The following PHLDB3 variants were observed in gnomAD, a reference collection of about 807,000 sequenced individuals.
The protein encoded by PHLDB3 is pleckstrin homology-like domain family B member 3.
Under a neutral mutation model 85.7 loss-of-function variants are expected in PHLDB3, and 86 were observed. The ratio of observed to expected loss-of-function variants is 1.00; its 90% confidence interval spans 0.84 to 1.20. PHLDB3 has a LOEUF of 1.20. Ranked by LOEUF, PHLDB3 falls within the 50% of genes most tolerant of loss-of-function variation. The pLI, the probability that PHLDB3 is intolerant of heterozygous loss-of-function variation, is 0.00. For missense variants in PHLDB3, 995 were observed against 873.0 expected (o/e 1.14, Z -1.76); for synonymous variants, 376 against 349.8 (o/e 1.07, Z -0.83).
intron 10 of PHLDB3, 27 bp downstream of exon 10, chr19:43,486,996 AG>A: frequency 4.0e-6 from 6 of 1,513,776 alleles, no homozygotes; most frequent in South Asian, 2.7e-5. Flanking sequence ...TGATGTGGGA[AG>A]GAAGTGGGGA....
At chr19:43,478,167 G>A in intron 14 of PHLDB3, 35 bp from the exon 15 acceptor site, 3 of 1,536,786 alleles carry the variant, frequency 2.0e-6, no homozygotes, top group Non-Finnish European at 2.7e-6. Context: ...GAGAGCCAGT[G>A]AGAAAGGTGT....
At chr19:43,480,607 AAGAG>A (rs979537364) in intron 13 of PHLDB3, among the ~76,000 whole-genome samples, 7 of 152,230 alleles carry the variant, frequency 4.6e-5, no homozygotes, top group South Asian at 2.1e-4. Flanking sequence ...ATAAAAAAGA[AAGAG>A]AGAGCTTGTT....
chr19:43,494,586 T>G (rs1034283025), intron 9 of PHLDB3, 116 bp downstream of exon 9: 3 of 794,916 alleles, frequency 3.8e-6, no homozygotes, highest in Non-Finnish European at 6.0e-6. Context: ...ACCGGCCCCA[T>G]ACAGAAAATC....
In PHLDB3 at chr19:43,475,510, G is replaced by T. The variant is rs749186582; in HGVS notation, c.1823C>A (p.Thr608Asn). ...CACCATGTAGAAAAGGCGTTCGTAG[G>T]TTTTGACGCAGAAGGTCAGGCGGGG... ...PNPRLTFCVK[T>N]YERLFYMVAP... The change falls in exon 16 of 16, where the codon ACC becomes AAC. Residue 608 changes from threonine (T) to asparagine (N), a missense_variant. Transcript: ENST00000292140. 6.2e-7 allele frequency: 1 copy of T among 1,613,998 alleles called. No individual in the cohort carries two copies. The highest frequency in any genetic ancestry group is 1.3e-5 in the African/African-American group (1 of 75,064).
intron 9 of PHLDB3, 59 bp downstream of exon 9, chr19:43,494,643 C>A: frequency 7.3e-7 from 1 of 1,366,872 alleles, no homozygotes; most frequent in Non-Finnish European, 1.0e-6. Flanking sequence ...TGCTGTTAGC[C>A]CCTCCCTCCT....
chr19:43,482,479 TAA>T (rs1200960002), intron 13 of PHLDB3, among the ~76,000 whole-genome samples: 1 of 152,134 alleles, frequency 6.6e-6, no homozygotes, highest in Non-Finnish European at 1.5e-5. Flanking sequence ...GGGGACTGTT[TAA>T]TAAATGATGA....
chr19:43,482,077 C>T (rs184011332), intron 13 of PHLDB3, among the ~76,000 whole-genome samples: 15 of 152,066 alleles, frequency 9.9e-5, no homozygotes, highest in Admixed American at 5.9e-4. Flanking sequence ...GTGATTACCT[C>T]GTTTCTTCTC....
Position 43,504,033 on chromosome 19 carries a change from G to A in PHLDB3, c.86C>T (p.Pro29Leu), listed in dbSNP as rs779336717. 39 of 1,613,764 alleles carry A rather than the reference G, an allele frequency of 2.4e-5. No homozygotes were observed. The highest frequency in any genetic ancestry group is 3.3e-5 in the Non-Finnish European group (39 of 1,179,798). ...TGCCTCCTGTTCCCGGGACTCCTCG[G>A]GATGGCCCTGGGGCTGGACCTCCAC... Reference protein sequence around the residue: ...CDVEVQPQGHPEESREQEASE... With the variant: ...CDVEVQPQGHLEESREQEASE... The change falls in exon 2 of 16, where the codon CCC becomes CTC. Residue 29 changes from proline (P) to leucine (L), a missense_variant. Transcript: ENST00000292140.
Position 43,503,880 on chromosome 19 carries a change from C to G in PHLDB3, c.213+26G>C. 4 of 1,613,018 alleles carry G rather than the reference C, an allele frequency of 2.5e-6. No individual in the cohort carries two copies. In the Middle Eastern group the frequency reaches 6.7e-4, roughly 269 times the overall value. ...TGGGTCCCCGTCGGTCCAAGCCCCCCGCGCTGTCGCCCTCGGGCCCCTCAC... is the reference window on the plus strand; with the variant it reads ...TGGGTCCCCGTCGGTCCAAGCCCCCGGCGCTGTCGCCCTCGGGCCCCTCAC... On this transcript the variant is annotated intron_variant, in intron 2 of 15. Transcript: ENST00000292140.
intron 4 of PHLDB3, among the ~76,000 whole-genome samples, chr19:43,500,179 C>T (rs1470246368): frequency 1.3e-5 from 2 of 151,978 alleles, no homozygotes; most frequent in Admixed American, 6.6e-5. Flanking sequence ...GCAGAGGTTA[C>T]GGTGAGCCAA....
At position 43,479,601 on chromosome 19, in the gene PHLDB3, G is replaced by T. The variant is rs767454599; in HGVS notation, c.1486-8C>A. 3.3e-5 allele frequency: 50 copies of T among 1,503,506 alleles called. No individual in the cohort carries two copies. The Admixed American group carries it at 4.9e-4, about 15-fold the overall frequency. The allele number at this position is 1,503,506 out of a possible 1,614,324, so 93.1% of individuals were successfully genotyped here. On this transcript the variant is annotated splice_region_variant and splice_polypyrimidine_tract_variant and intron_variant, in intron 13 of 15. Transcript: ENST00000292140. The stretch of plus-strand genomic sequence containing the variant: ...GGGTGGGGTGGGTGGGGCCTGGGGA[G>T]CAAAGAGACGGGGCAGCTGATGTAA...
intron 5 of PHLDB3, 36 bp downstream of exon 5, chr19:43,497,712 A>G (rs1971494907): frequency 1.3e-6 from 2 of 1,535,252 alleles, no homozygotes; most frequent in Admixed American, 2.0e-5. Flanking sequence ...ACTCTGTCTC[A>G]AAAAAAACAA....
In PHLDB3 at chr19:43,478,120, G is replaced by T. The variant is rs371843053; in HGVS notation, c.1715C>A (p.Thr572Asn). Residue 572 changes from threonine (T) to asparagine (N), a missense_variant, in exon 15 of 16, where the codon ACC becomes AAC. By Grantham distance (65) the Thr-to-Asn change is moderately conservative. Coordinates refer to ENST00000292140, the MANE Select transcript of PHLDB3 (RefSeq NM_198850.4). ...RLAYYADKEETKLKGVIYFQA... is the reference protein window; with the variant it reads ...RLAYYADKEENKLKGVIYFQA... The stretch of plus-strand genomic sequence containing the variant: ...GAAGTAGATGACACCTTTGAGCTTG[G>T]TCTCTTCCTTGTCTGGTAGGGGAGG... 218 of 1,612,860 alleles carry T rather than the reference G, an allele frequency of 1.4e-4. 1 individual carries two copies. The highest frequency in any genetic ancestry group is 1.7e-4 in the Non-Finnish European group (205 of 1,179,026).
Position 43,487,090 on chromosome 19 carries a change from G to A in PHLDB3, c.1183C>T (p.Pro395Ser). Residue 395 changes from proline (P) to serine (S), a missense_variant, in exon 10 of 16, where the codon CCC (proline) becomes TCC (serine). Physicochemically the swap from Pro to Ser is moderately conservative, Grantham distance 74. Coordinates refer to ENST00000292140, the MANE Select transcript of PHLDB3 (RefSeq NM_198850.4). ...CTCCCCCTCTCCCCCCTTTTCCGGGGCAGGCTCCCAGTCCTCTGGAGGCCA... is the reference window on the plus strand; with the variant it reads ...CTCCCCCTCTCCCCCCTTTTCCGGGACAGGCTCCCAGTCCTCTGGAGGCCA... ...SIGLQRTGSL[P>S]RKRGERGSQR... The A allele has an allele frequency of 2.5e-6, 4 of 1,572,354 alleles. No homozygotes were observed. Among genetic ancestry groups the A allele is most frequent in the Non-Finnish European group, 3.5e-6 (4 of 1,158,880 alleles).
rs955697564 is a variant in PHLDB3, at chr19:43,497,644, G to A, written c.663+104C>T. The A allele has an allele frequency of 5.6e-5, 68 of 1,224,682 alleles. No individual in the cohort carries two copies. In the East Asian group the frequency reaches 8.8e-4, roughly 16 times the overall value. The allele number at this position is 1,224,682 out of a possible 1,614,324, so 75.9% of individuals were successfully genotyped here. A position where few individuals can be genotyped will look rare whatever the true frequency, so the allele number is the denominator to read the frequency against. ...GGAGAATCGCTTGAACCTGGGAGGC[G>A]GAGGTTGCAGTGAGCCGAGATCGCA... is the stretch of plus-strand genomic sequence containing the variant. On this transcript the variant is annotated intron_variant, in intron 5 of 15. Transcript: ENST00000292140.
At chr19:43,498,481 AAAGG>A (rs753550750) in intron 4 of PHLDB3, among the ~76,000 whole-genome samples, 44 of 152,142 alleles carry the variant, frequency 2.9e-4, no homozygotes, top group Admixed American at 1.4e-3. Flanking sequence ...AGAGAAACAA[AAAGG>A]AAGGAAGGAA....
At chr19:43,493,428 G>C (rs1461483919) in intron 9 of PHLDB3, among the ~76,000 whole-genome samples, 1 of 152,064 alleles carries the variant, frequency 6.6e-6, no homozygotes, top group Non-Finnish European at 1.5e-5. Context: ...TTGAGCCTAA[G>C]GGTTCAAGAC....
Position 43,486,874 on chromosome 19 carries a change from G to T in PHLDB3, c.1250-4C>A. On this transcript the variant is annotated splice_polypyrimidine_tract_variant and splice_region_variant and intron_variant, in intron 10 of 15. Transcript: ENST00000292140. ...AGAGCTGAGGCCTCCAGGGATTCTA[G>T]GGTAGAGGGGACCAGGTTACAGGGC... The T allele has an allele frequency of 6.5e-7, 1 of 1,544,520 alleles. No individual in the cohort carries two copies. The highest frequency in any genetic ancestry group is 1.3e-5 in the South Asian group (1 of 79,556).
At chr19:43,502,051 G>T (rs777623154) in intron 3 of PHLDB3, 50 bp downstream of exon 3, 6 of 1,534,998 alleles carry the variant, frequency 3.9e-6, no homozygotes, top group South Asian at 2.4e-5. Context: ...CCGGCTTTGC[G>T]GGTTCCGCTT....
Sources: allele counts gnomAD v4.1 joint callset (sites outside exome capture counted in the v4.1 genomes callset), GRCh38; gene constraint gnomAD v4.1.1; transcripts MANE v1.5; gene names NCBI Gene and HGNC (gene_info 2026-07-23, HGNC 2026-07-21).